VPS53: variants seen among roughly 807,000 people sequenced by gnomAD.
VPS53 encodes VPS53 subunit of GARP complex.
A neutral mutation model predicts 107.0 loss-of-function variants in VPS53; 70 were observed. The ratio of observed to expected loss-of-function variants is 0.65; its 90% CI spans 0.54 to 0.80. The LOEUF (loss-of-function observed/expected upper bound fraction) is 0.80, where lower values mean the gene tolerates loss of function less well. VPS53 is among the 30% of genes least tolerant of loss of function. VPS53 has a pLI of 0.00. For synonymous variants in VPS53, 409 were observed against 393.3 expected (o/e 1.04, Z -0.47); for missense variants, 917 against 1,049.4 (o/e 0.87, Z 1.74).
chr17:546,515 TCAA>T (rs1911211160), intron 17 of VPS53, among the ~76,000 whole-genome samples: 1 of 152,142 alleles, frequency 6.6e-6, no homozygotes, highest in Non-Finnish European at 1.5e-5. Flanking sequence ...CTTTTACAAT[TCAA>T]CAACAGAAAG....
intron 4 of VPS53, among the ~76,000 whole-genome samples, chr17:678,707 C>T (rs895619349): frequency 1.3e-5 from 2 of 151,744 alleles, no homozygotes; most frequent in East Asian, 2.0e-4. Flanking sequence ...GGCATGATCT[C>T]GGCTCACTGC....
Position 710,591 on chromosome 17 carries a change from A to G in VPS53, c.110T>C (p.Leu37Pro). Reference protein sequence around the residue: ...IEQVFPSQDPLDRADFNAVEY... With the variant: ...IEQVFPSQDPPDRADFNAVEY... ...AACAGCATTGAAATCTGCTCGATCT[A>G]GAGGGTCCTGGCTTGGAAACACCTA... Residue 37 changes from leucine (L) to proline (P), a missense_variant, in exon 2 of 22, where the codon CTA (leucine) becomes CCA (proline). Physicochemically the swap from Leu to Pro is moderately conservative, Grantham distance 98. Transcript: ENST00000437048. 6.2e-7 allele frequency: 1 copy of G among 1,614,060 alleles called. No individual in the cohort carries two copies. The highest frequency in any genetic ancestry group is 8.5e-7 in the Non-Finnish European group (1 of 1,179,916).
intron 7 of VPS53, among the ~76,000 whole-genome samples, chr17:643,421 G>T (rs1970534632): frequency 6.6e-6 from 1 of 150,646 alleles, no homozygotes; most frequent in Non-Finnish European, 1.5e-5. Context: ...GGAAAGCGAG[G>T]ACAACACTCA....
At chr17:699,072 CAGGAGA>C (rs1358167549) in intron 3 of VPS53, among the ~76,000 whole-genome samples, 1 of 152,062 alleles carries the variant, frequency 6.6e-6, no homozygotes, top group Non-Finnish European at 1.5e-5. Flanking sequence ...GAGGCTAAGG[CAGGAGA>C]ATCACTTGAA....
Position 519,903 on chromosome 17 carries a change from C to T in VPS53, c.2251G>A (p.Val751Met), listed in dbSNP as rs371156527. The change falls in exon 21 of 22, where the codon GTG (valine) becomes ATG (methionine). Residue 751 changes from valine (V) to methionine (M), a missense_variant. Val to Met is a conservative substitution (Grantham distance 21). Coordinates refer to ENST00000437048, the MANE Select transcript of VPS53 (RefSeq NM_001128159.3). This position sits in a 1 kb window ranked among gnomAD's most constrained non-coding sequence, Gnocchi z 5.0. ...KVVMAPHEPL[V>M]VFVDNYIKLL... ...TTGATGTAGTTGTCAACAAACACCA[C>T]CAACGGTTCATGAGGGGCCATCACT... 6.8e-5 allele frequency: 106 copies of T among 1,551,648 alleles called. No individual in the cohort carries two copies. The African/African-American group carries it at 1.4e-3, about 20-fold the overall frequency.
At chr17:569,457 T>C (rs2151862052) in intron 13 of VPS53, among the ~76,000 whole-genome samples, 1 of 152,296 alleles carries the variant, frequency 6.6e-6, no homozygotes, top group South Asian at 2.1e-4. Flanking sequence ...GGTATACATT[T>C]ATTCCAAAAT....
intron 6 of VPS53, among the ~76,000 whole-genome samples, chr17:655,563 G>A (rs1567713063): frequency 1.3e-5 from 2 of 152,074 alleles, no homozygotes; most frequent in Non-Finnish European, 2.9e-5. Context: ...TGTCTGCCTT[G>A]ATGGTACAGA....
In VPS53 at chr17:628,102, G is replaced by C. The variant is rs1156924460; in HGVS notation, c.817C>G (p.Gln273Glu). ...TCAATACTCACATCTTGGTTTTCTT[G>C]AAAAAGTACCAGATACTCTGACAGA... ...QHLSEYLVLF[Q>E]ENQDVAWLDK... The change falls in exon 9 of 22, where the codon CAA becomes GAA. Residue 273 changes from glutamine to glutamate, a missense_variant. By Grantham distance (29) the Gln-to-Glu change is conservative. Coordinates refer to ENST00000437048, the MANE Select transcript of VPS53 (RefSeq NM_001128159.3). The C allele has an allele frequency of 1.2e-6, 2 of 1,610,852 alleles. No homozygotes were observed. The highest frequency in any genetic ancestry group is 2.2e-5 in the East Asian group (1 of 44,850).
chr17:659,263 T>C (rs982895406), intron 5 of VPS53, among the ~76,000 whole-genome samples: 1 of 152,126 alleles, frequency 6.6e-6, no homozygotes, highest in Non-Finnish European at 1.5e-5. Flanking sequence ...CAGTCTAACA[T>C]AGGGAGTCTT....
chr17:521,592 A>C lies in VPS53; in HGVS notation c.2223+9T>G, dbSNP rs1908752449. On this transcript the variant is annotated intron_variant, in intron 20 of 21. Transcript: ENST00000437048. ...TAAATAACTGGCCCCTTTTAACACAAGCCATCACCTTGAGGATCATCTCAG... is the reference window on the plus strand; with the variant it reads ...TAAATAACTGGCCCCTTTTAACACACGCCATCACCTTGAGGATCATCTCAG... 2 of 1,524,416 alleles carry C rather than the reference A, an allele frequency of 1.3e-6. No homozygotes were observed. Among genetic ancestry groups the C allele is most frequent in the Non-Finnish European group, 1.8e-6 (2 of 1,130,776 alleles). 94.4% of individuals were successfully genotyped at this position (1,524,416 alleles called of 1,614,324 possible).
At chr17:625,467 C>T (rs934698228) in intron 10 of VPS53, among the ~76,000 whole-genome samples, 1 of 134,654 alleles carries the variant, frequency 7.4e-6, no homozygotes, top group African/African-American at 2.7e-5. Flanking sequence ...TGCGAGACCC[C>T]CATCTCTTAA....
At chr17:561,900 C>T (rs959203942) in intron 14 of VPS53, among the ~76,000 whole-genome samples, 1 of 152,128 alleles carries the variant, frequency 6.6e-6, no homozygotes, top group South Asian at 2.1e-4. Context: ...CCAATCCTAC[C>T]GCATCTTCAA....
intron 12 of VPS53, among the ~76,000 whole-genome samples, chr17:598,546 A>G (rs1382457658): frequency 6.8e-6 from 1 of 147,960 alleles, no homozygotes; most frequent in Non-Finnish European, 1.5e-5. Context: ...CATCACATCT[A>G]GGAAGTGAGG....
intron 14 of VPS53, among the ~76,000 whole-genome samples, chr17:561,567 C>T (rs749864518): frequency 1.1e-4 from 16 of 152,104 alleles, no homozygotes; most frequent in Non-Finnish European, 1.5e-4. Context: ...CTATCAAGAA[C>T]GGAAAAATAT....
chr17:708,821 A>G (rs1225806688), intron 2 of VPS53, among the ~76,000 whole-genome samples: 5 of 152,226 alleles, frequency 3.3e-5, no homozygotes, highest in Admixed American at 1.3e-4. Context: ...GATTAATACT[A>G]AAGACTAATG....
At chr17:668,461 A>G (rs971486563) in intron 4 of VPS53, among the ~76,000 whole-genome samples, 4 of 152,210 alleles carry the variant, frequency 2.6e-5, no homozygotes, top group African/African-American at 7.2e-5. Flanking sequence ...TCAAAATCAC[A>G]GCTTCATGCT....
At chr17:695,803 C>T (rs529143543) in intron 4 of VPS53, among the ~76,000 whole-genome samples, 3 of 152,294 alleles carry the variant, frequency 2.0e-5, no homozygotes, top group South Asian at 2.1e-4. Flanking sequence ...CTCCCCGCCT[C>T]GGCCTCCCAA....
rs536509498 is a variant in VPS53 at position 567,305 on chromosome 17, A to T, written c.1314-4560T>A. On this transcript the variant is annotated intron_variant, in intron 13 of 21. Coordinates refer to ENST00000437048, the MANE Select transcript of VPS53 (RefSeq NM_001128159.3). ...CGGTTACTTCTGACATTGTTCTTTC[A>T]AGTGGATGAGAAATAAACCAGTTGG... is the stretch of plus-strand genomic sequence containing the variant. Among the ~76,000 whole-genome samples the T allele has an allele frequency of 3.3e-5, 5 of 152,304 alleles. No individual in the cohort carries two copies. The South Asian group carries it at 1.0e-3, about 32-fold the overall frequency.
intron 4 of VPS53, among the ~76,000 whole-genome samples, chr17:671,707 T>A (rs1023898518): frequency 1.1e-5 from 1 of 94,692 alleles, no homozygotes; most frequent in South Asian, 3.3e-4. Flanking sequence ...TTCCCATGAC[T>A]TTTTTTTTTT....
Sources: gnomAD v4.1 joint callset for allele counts (sites outside exome capture counted in the v4.1 genomes callset) on GRCh38, gnomAD v4.1.1 for gene constraint, Gnocchi (gnomAD v3.1) non-coding constraint, MANE v1.5 for transcripts, NCBI Gene and HGNC (gene_info 2026-07-23, HGNC 2026-07-21) for gene names.